The following RAPGEF2 variants were observed in gnomAD, a reference collection of about 807,000 sequenced individuals.
RAPGEF2 encodes Rap guanine nucleotide exchange factor 2.
In RAPGEF2, 54 loss-of-function variants were observed where a neutral mutation model predicts 186.7. The ratio of observed to expected loss-of-function variants is 0.29; its 90% CI spans 0.23 to 0.36. The LOEUF (loss-of-function observed/expected upper bound fraction) is 0.36. RAPGEF2 is among the 10% of genes least tolerant of loss of function. RAPGEF2 has a pLI of 1.00. For missense variants in RAPGEF2, 1,532 were observed against 2,045.0 expected, an observed-to-expected ratio of 0.75 and a Z score of 4.84; for synonymous variants, 712 against 705.9, an observed-to-expected ratio of 1.01 and a Z score of -0.14.
At chr4:159,239,882 T>G (rs1753753519) in intron 5 of RAPGEF2, among the ~76,000 whole-genome samples, 1 of 152,202 alleles carries the variant, frequency 6.6e-6, no homozygotes, top group African/African-American at 2.4e-5. Context: ...AGGTCTCTTT[T>G]CAGAGAAGAT....
At chr4:159,337,106 G>A (rs1034559216) in intron 17 of RAPGEF2, among the ~76,000 whole-genome samples, 2 of 152,178 alleles carry the variant, frequency 1.3e-5, no homozygotes, top group African/African-American at 4.8e-5. Flanking sequence ...AAATGGAAAT[G>A]AGTTTGTCAC....
chr4:159,346,620 A>C (rs1730344832), intron 24 of RAPGEF2, among the ~76,000 whole-genome samples, 169 bp from the exon 25 acceptor site: 1 of 152,202 alleles, frequency 6.6e-6, no homozygotes, highest in Non-Finnish European at 1.5e-5. Context: ...TTCTGTAACT[A>C]GGGTCCCCCA....
chr4:159,112,950 A>G (rs747457559), intron 1 of RAPGEF2, among the ~76,000 whole-genome samples: 1 of 152,218 alleles, frequency 6.6e-6, no homozygotes, highest in Non-Finnish European at 1.5e-5. Flanking sequence ...ACATGTCAAC[A>G]TCATGTGTCT....
At chr4:159,261,724 A>G (rs190443583) in intron 7 of RAPGEF2, among the ~76,000 whole-genome samples, 18 of 152,252 alleles carry the variant, frequency 1.2e-4, no homozygotes, top group African/African-American at 4.3e-4. Flanking sequence ...TGCTCTGGAC[A>G]TCATAGGTCT....
intron 1 of RAPGEF2, among the ~76,000 whole-genome samples, chr4:159,148,511 T>G (rs1743180282): frequency 1.3e-5 from 2 of 152,242 alleles, no homozygotes; most frequent in South Asian, 4.1e-4. Context: ...TAATTTTTCC[T>G]GATTTTATTT....
intron 7 of RAPGEF2, among the ~76,000 whole-genome samples, chr4:159,274,674 A>T (rs1178288398): frequency 6.6e-6 from 1 of 152,176 alleles, no homozygotes; most frequent in Non-Finnish European, 1.5e-5. Flanking sequence ...ATATTTCCAT[A>T]TAGTATTAAG....
chr4:159,220,622 G>C (rs1357695927), intron 4 of RAPGEF2, among the ~76,000 whole-genome samples: 1 of 152,126 alleles, frequency 6.6e-6, no homozygotes, highest in Non-Finnish European at 1.5e-5. Context: ...AAGCTGTTCT[G>C]TCTGTCTGGG....
At chr4:159,310,091 A>C (rs1192315489) in intron 8 of RAPGEF2, among the ~76,000 whole-genome samples, 1 of 152,184 alleles carries the variant, frequency 6.6e-6, no homozygotes, top group East Asian at 1.9e-4. Context: ...CTCAGCTCAC[A>C]ATGTTAAAAT....
chr4:159,280,091 T>C (rs1251713357), intron 7 of RAPGEF2, among the ~76,000 whole-genome samples: 1 of 152,184 alleles, frequency 6.6e-6, no homozygotes, highest in African/African-American at 2.4e-5. Context: ...ATGTTATCCT[T>C]TTTTTAGACT....
At chr4:159,320,698 C>T (rs1468335080) in intron 9 of RAPGEF2, among the ~76,000 whole-genome samples, 2 of 152,080 alleles carry the variant, frequency 1.3e-5, no homozygotes, top group African/African-American at 4.8e-5. Context: ...TCCGTCTGTC[C>T]TTCCAGAAAT....
rs1274707447 is a variant in RAPGEF2, at chr4:159,331,587, A to G, written c.1576-43A>G. ...GATCAGCTTAAAGTTCATTTTATTCAGCCTGTTCTTGAGTTGACACTACTG... is the reference window on the plus strand; with the variant it reads ...GATCAGCTTAAAGTTCATTTTATTCGGCCTGTTCTTGAGTTGACACTACTG... On this transcript the variant is annotated intron_variant, in intron 14 of 29. Coordinates refer to ENST00000691494, the MANE Select transcript of RAPGEF2 (RefSeq NM_001394067.2). The G allele has an allele frequency of 1.9e-6, 3 of 1,610,824 alleles. No individual in the cohort carries two copies. The African/African-American group carries it at 4.0e-5, about 22-fold the overall frequency.
intron 25 of RAPGEF2, among the ~76,000 whole-genome samples, chr4:159,348,142 A>T (rs1029847031): frequency 6.6e-6 from 1 of 151,778 alleles, no homozygotes; most frequent in Admixed American, 6.5e-5. Context: ...AATCGCTTCA[A>T]CCTGGGGGGT....
chr4:159,348,602 G>T (rs1442026282), intron 25 of RAPGEF2, among the ~76,000 whole-genome samples: 1 of 152,096 alleles, frequency 6.6e-6, no homozygotes. Context: ...GAATATGCAT[G>T]CATTCCTGAA....
chr4:159,159,976 G>GA (rs988818546), intron 1 of RAPGEF2, among the ~76,000 whole-genome samples: 17 of 152,116 alleles, frequency 1.1e-4, no homozygotes, highest in Middle Eastern at 6.8e-3. Context: ...CATCTATATG[G>GA]AAAAAAACCC....
At chr4:159,218,400 G>C (rs1751186690) in intron 4 of RAPGEF2, among the ~76,000 whole-genome samples, 1 of 152,156 alleles carries the variant, frequency 6.6e-6, no homozygotes, top group African/African-American at 2.4e-5. Flanking sequence ...TCACTAACTT[G>C]TAATAGGATT....
At chr4:159,224,191 G>A (rs936206510) in intron 4 of RAPGEF2, among the ~76,000 whole-genome samples, 2 of 152,114 alleles carry the variant, frequency 1.3e-5, no homozygotes, top group African/African-American at 4.8e-5. Context: ...GAACTACCAC[G>A]CCTGACCCCA....
chr4:159,233,635 G>T (rs994351715), intron 4 of RAPGEF2, among the ~76,000 whole-genome samples: 5 of 152,022 alleles, frequency 3.3e-5, no homozygotes, highest in Non-Finnish European at 5.9e-5. Context: ...GTGTGAGAAG[G>T]GGGTGAGGGA....
At position 159,358,839 on chromosome 4, in the gene RAPGEF2, T is replaced by G. The variant is rs1732410742; in HGVS notation, c.*700T>G. On this transcript the variant is annotated 3_prime_UTR_variant, in exon 30 of 30. Transcript: ENST00000691494. ...ACCAAGAAGACGGGAAGACCTGGCT[T>G]GTGACCCTGGCTTCCCATGTCCTTC... 1 of 152,216 alleles carries G rather than the reference T, an allele frequency of 6.6e-6. No homozygotes were observed. The highest frequency in any genetic ancestry group is 2.1e-4 in the South Asian group (1 of 4,830). The allele number at this position is 152,216 out of a possible 1,614,324, so 9.4% of individuals were successfully genotyped here.
At chr4:159,104,874 GA>G (rs1206180486) in intron 1 of RAPGEF2, among the ~76,000 whole-genome samples, 1 of 152,108 alleles carries the variant, frequency 6.6e-6, no homozygotes, top group East Asian at 1.9e-4. Context: ...CAATTGAAGG[GA>G]AAAAAAGTTG....
Sources: gnomAD v4.1 joint callset for allele counts (sites outside exome capture counted in the v4.1 genomes callset) on GRCh38, gnomAD v4.1.1 for gene constraint, MANE v1.5 for transcripts, NCBI Gene and HGNC (gene_info 2026-07-23, HGNC 2026-07-21) for gene names.